TBC1D32: variants seen among roughly 807,000 people sequenced by gnomAD.
TBC1D32 encodes TBC1 domain family member 32.
A neutral mutation model predicts 170.3 loss-of-function variants in TBC1D32; 151 were observed. The ratio of observed to expected loss-of-function variants is 0.89; its 90% CI spans 0.78 to 1.01. The LOEUF is 1.01. Among genes scored for constraint, TBC1D32 ranks in the 50% least tolerant of loss-of-function variants. The pLI is 0.00. For missense variants in TBC1D32, 1,464 were observed against 1,457.1 expected, an observed-to-expected ratio of 1.00 and a Z score of -0.08; for synonymous variants, 498 against 488.0, an observed-to-expected ratio of 1.02 and a Z score of -0.27.
rs557347770 is a variant in TBC1D32 at position 121,202,655 on chromosome 6, T to C, written c.2570+2420A>G. ...TCTTTGGGTGGTTTGTTGTATTTCA[T>C]TGTAAGATGGGACATATGAAGGCAT... is the stretch of plus-strand genomic sequence containing the variant. On this transcript the variant is annotated intron_variant, in intron 22 of 31. Transcript: ENST00000398212. 1.8e-4 allele frequency among the ~76,000 whole-genome samples: 27 copies of C among 151,310 alleles called. 1 individual carries two copies. The highest frequency in any genetic ancestry group is 9.2e-4 in the Admixed American group (14 of 15,242).
In TBC1D32 at chr6:121,308,048, G is replaced by A. The variant is rs1280899367; in HGVS notation, c.618C>T (p.Leu206=). 1.2e-6 allele frequency: 2 copies of A among 1,613,800 alleles called. No individual in the cohort carries two copies. Among genetic ancestry groups the A allele is most frequent in the South Asian group, 1.1e-5 (1 of 91,052 alleles). The change falls in exon 5 of 32, where the codon CTC becomes CTT. Residue 206 remains leucine, a synonymous_variant. Coordinates refer to ENST00000398212, the MANE Select transcript of TBC1D32 (RefSeq NM_152730.6). ...AGAGAGTAGTCCAATTTTCACAGTT[G>A]AGGACATCAGATGGAGGAGCTGAAC... The part of the protein sequence containing the change: ...TLCSAPPSDV[L]NCENWTTLCE...
At chr6:121,159,934 T>C in intron 24 of TBC1D32, 76 bp downstream of exon 24, 7 of 984,232 alleles carry the variant, frequency 7.1e-6, no homozygotes, top group Non-Finnish European at 9.5e-6. Flanking sequence ...ATATTCATCT[T>C]CCTTAATATT....
chr6:121,299,101 G>T (rs78941111), intron 10 of TBC1D32, among the ~76,000 whole-genome samples: 1,620 of 152,078 alleles, frequency 0.011, 31 homozygotes, highest in African/African-American at 0.037. Flanking sequence ...AAAAACATGG[G>T]TCTATATTAT....
At chr6:121,308,636 A>G (rs1807691619) in intron 4 of TBC1D32, among the ~76,000 whole-genome samples, 1 of 150,362 alleles carries the variant, frequency 6.7e-6, no homozygotes, top group Admixed American at 6.6e-5. Context: ...TAAGTCTTTC[A>G]GCAGTGGGAT....
At chr6:121,261,160 G>A (rs1343696359) in intron 15 of TBC1D32, among the ~76,000 whole-genome samples, 2 of 152,194 alleles carry the variant, frequency 1.3e-5, no homozygotes, top group African/African-American at 4.8e-5. Context: ...CCTAGAAGAA[G>A]GGGTGACCGC....
At chr6:121,095,334 T>A (rs1296607389) in intron 30 of TBC1D32, among the ~76,000 whole-genome samples, 1 of 152,208 alleles carries the variant, frequency 6.6e-6, no homozygotes, top group African/African-American at 2.4e-5. Context: ...GGTAAATTAT[T>A]CCTCCTTGTA....
rs1010282124 is a variant in TBC1D32 at position 121,304,643 on chromosome 6, A to G, written c.770-18T>C. 5.1e-6 allele frequency: 8 copies of G among 1,568,274 alleles called. No individual in the cohort carries two copies. In the African/African-American group the frequency reaches 9.6e-5, roughly 19 times the overall value. On this transcript the variant is annotated intron_variant, in intron 6 of 31. Transcript: ENST00000398212. ...ATACTTAGCTGAAAAAAAAGGGAAAACATAAAATTACATCATTCATTTACA... is the reference window on the plus strand; with the variant it reads ...ATACTTAGCTGAAAAAAAAGGGAAAGCATAAAATTACATCATTCATTTACA...
chr6:121,267,661 G>T (rs1800724817), intron 15 of TBC1D32, among the ~76,000 whole-genome samples: 1 of 152,174 alleles, frequency 6.6e-6, no homozygotes, highest in South Asian at 2.1e-4. Flanking sequence ...AGGCCTGCCT[G>T]CCTCTGTAGA....
At chr6:121,133,562 T>A (rs763403610) in intron 24 of TBC1D32, among the ~76,000 whole-genome samples, 8 of 152,058 alleles carry the variant, frequency 5.3e-5, no homozygotes, top group Admixed American at 1.3e-4. Flanking sequence ...CTGCTACGTA[T>A]TGCTGCATGA....
chr6:121,269,010 C>T (rs1472688263), intron 15 of TBC1D32, among the ~76,000 whole-genome samples: 1 of 152,114 alleles, frequency 6.6e-6, no homozygotes. Flanking sequence ...TCCAGCCAAA[C>T]TAAGCTTCAA....
intron 20 of TBC1D32, among the ~76,000 whole-genome samples, chr6:121,233,417 T>C (rs999976854): frequency 2.6e-5 from 4 of 152,154 alleles, no homozygotes; most frequent in South Asian, 2.1e-4. Flanking sequence ...ATATTTAGGA[T>C]TTTGATATTT....
chr6:121,090,448 T>C (rs1025205552), intron 31 of TBC1D32, among the ~76,000 whole-genome samples: 2 of 152,136 alleles, frequency 1.3e-5, no homozygotes, highest in Non-Finnish European at 2.9e-5. Flanking sequence ...TTCATGAAAA[T>C]CTTTTATAAA....
At chr6:121,318,096 T>C (rs1809183380) in intron 2 of TBC1D32, among the ~76,000 whole-genome samples, 1 of 152,010 alleles carries the variant, frequency 6.6e-6, no homozygotes, top group Non-Finnish European at 1.5e-5. Context: ...TCCTTTATTT[T>C]CTTTCCTTCT....
At chr6:121,235,505 C>T (rs1796227504) in intron 20 of TBC1D32, among the ~76,000 whole-genome samples, 1 of 152,108 alleles carries the variant, frequency 6.6e-6, no homozygotes, top group South Asian at 2.1e-4. Context: ...TCTCCTGAGT[C>T]ATACAAATCA....
rs749583362 is a variant in TBC1D32, at chr6:121,303,768, G to C, written c.936-7C>G. On this transcript the variant is annotated splice_region_variant and splice_polypyrimidine_tract_variant and intron_variant, in intron 8 of 31. Coordinates refer to ENST00000398212, the MANE Select transcript of TBC1D32 (RefSeq NM_152730.6). ...CACAATTTCTTCCATATACCTTAAA[G>C]TTTGGGAAAAAAGAAATACAATTAC... The C allele has an allele frequency of 1.1e-5, 17 of 1,505,598 alleles. No homozygotes were observed. Among genetic ancestry groups the C allele is most frequent in the Non-Finnish European group, 1.5e-5 (17 of 1,113,650 alleles). The allele number at this position is 1,505,598 out of a possible 1,614,324, so 93.3% of individuals were successfully genotyped here.
chr6:121,120,075 C>A (rs957212568), intron 26 of TBC1D32, among the ~76,000 whole-genome samples: 8 of 151,884 alleles, frequency 5.3e-5, no homozygotes, highest in Admixed American at 3.9e-4. Context: ...GATGAGAATA[C>A]CTAAAGCCTT....
chr6:121,138,938 G>A (rs999620780), intron 24 of TBC1D32, among the ~76,000 whole-genome samples: 8 of 151,268 alleles, frequency 5.3e-5, no homozygotes, highest in African/African-American at 2.4e-5. Flanking sequence ...TCCGCCTCCC[G>A]GGTTCACGCC....
In TBC1D32 at chr6:121,334,258, C is replaced by A. The variant is rs1272816274; in HGVS notation, c.155+18G>T. On this transcript the variant is annotated intron_variant, in intron 1 of 31. Transcript: ENST00000398212. ...GGATCGATGGTTTATAGGCTTAAAA[C>A]ATCAAAAGCAATTTTACTTGTGAAA... 5.6e-6 allele frequency: 9 copies of A among 1,610,606 alleles called. No homozygotes were observed. Among genetic ancestry groups the A allele is most frequent in the Non-Finnish European group, 7.6e-6 (9 of 1,177,314 alleles).
rs542071325 is a variant in TBC1D32 at position 121,118,921 on chromosome 6, T to G, written c.2984-3680A>C. ...TCAGCCTCCTAATTGATGTAGTCAG[T>G]GTAATTTGGGAAAAATAGCATTTCC... On this transcript the variant is annotated intron_variant, in intron 26 of 31. Coordinates refer to ENST00000398212, the MANE Select transcript of TBC1D32 (RefSeq NM_152730.6). Among the ~76,000 whole-genome samples the G allele has an allele frequency of 3.3e-5, 5 of 152,306 alleles. No individual in the cohort carries two copies. The South Asian group carries it at 1.0e-3, about 32-fold the overall frequency.
Sources: gnomAD v4.1 joint callset for allele counts (sites outside exome capture counted in the v4.1 genomes callset) on GRCh38, gnomAD v4.1.1 for gene constraint, MANE v1.5 for transcripts, NCBI Gene and HGNC (gene_info 2026-07-23, HGNC 2026-07-21) for gene names.